The following MIA2 variants were observed in gnomAD, a reference collection of about 807,000 sequenced individuals.
MIA2 encodes melanoma inhibitory activity protein 2.
MIA2 carries 127 observed loss-of-function variants against 167.8 expected under a neutral mutation model. That is an observed-to-expected ratio of 0.76 (90% confidence interval 0.66 to 0.88). The LOEUF is 0.88. Ranked by LOEUF, MIA2 falls within the 40% of genes least tolerant of loss-of-function variation. The pLI is 0.00. For synonymous variants in MIA2, 552 were observed against 541.9 expected (o/e 1.02, Z -0.26); for missense variants, 1,690 against 1,624.7 (o/e 1.04, Z -0.69).
chr14:39,291,295 T>C (rs2060710728), intron 10 of MIA2, among the ~76,000 whole-genome samples, 199 bp downstream of exon 10: 1 of 152,180 alleles, frequency 6.6e-6, no homozygotes, highest in African/African-American at 2.4e-5. Flanking sequence ...TTTAAAAATT[T>C]GAGCTTTTAT....
At chr14:39,368,351 G>T (rs1330948429) in intron 23 of MIA2, among the ~76,000 whole-genome samples, 1 of 152,168 alleles carries the variant, frequency 6.6e-6, no homozygotes, top group African/African-American at 2.4e-5. Flanking sequence ...AATTCCCAGG[G>T]TAAAAATTGC....
chr14:39,327,689 A>C (rs1297595440), intron 25 of MIA2, among the ~76,000 whole-genome samples: 1 of 151,786 alleles, frequency 6.6e-6, no homozygotes. Context: ...TCATTATTCA[A>C]CTCCCACTTA....
Position 39,237,005 on chromosome 14 carries a change from T to A in MIA2, c.199T>A (p.Ser67Thr). 1 of 1,614,138 alleles carries A rather than the reference T, an allele frequency of 6.2e-7. No homozygotes were observed. The highest frequency in any genetic ancestry group is 8.5e-7 in the Non-Finnish European group (1 of 1,179,980). ...YLNFTKGEEI[S>T]VYVKLAGERE... ...GAACTTCACTAAGGGAGAAGAGATATCTGTTTATGTTAAACTTGCAGGAGA... is the reference window on the plus strand; with the variant it reads ...GAACTTCACTAAGGGAGAAGAGATAACTGTTTATGTTAAACTTGCAGGAGA... The change falls in exon 2 of 29, where the codon TCT becomes ACT. Residue 67 changes from serine (S) to threonine (T), a missense_variant. By Grantham distance (58) the Ser-to-Thr change is moderately conservative. Transcript: ENST00000640607.
chr14:39,364,716 T>G (rs187408825), intron 23 of MIA2, among the ~76,000 whole-genome samples: 2,000 of 151,542 alleles, frequency 0.013, 58 homozygotes, highest in African/African-American at 0.046. Context: ...GATAGTTTGT[T>G]TTTTTTGTTT....
chr14:39,358,714 G>A (rs1170757269), intron 23 of MIA2, among the ~76,000 whole-genome samples: 2 of 152,148 alleles, frequency 1.3e-5, no homozygotes, highest in African/African-American at 4.8e-5. Flanking sequence ...TGATGGTGAT[G>A]TACAGATGGG....
At chr14:39,237,708 T>C (rs531618157) in intron 2 of MIA2, among the ~76,000 whole-genome samples, 9 of 152,178 alleles carry the variant, frequency 5.9e-5, no homozygotes, top group Non-Finnish European at 1.3e-4. Flanking sequence ...GCAACCCCAG[T>C]CATTTCTTGG....
chr14:39,357,300 T>A (rs2074554588), intron 23 of MIA2, among the ~76,000 whole-genome samples: 1 of 152,228 alleles, frequency 6.6e-6, no homozygotes, highest in African/African-American at 2.4e-5. Flanking sequence ...CCTTTACCAT[T>A]ATGTAATGGC....
At chr14:39,385,895 G>C (rs2075265756) in intron 23 of MIA2, 2 of 904,356 alleles carry the variant, frequency 2.2e-6, no homozygotes, top group Non-Finnish European at 3.7e-6. Context: ...CAAGAAAAAA[G>C]GTTATCTCCT....
intron 23 of MIA2, among the ~76,000 whole-genome samples, chr14:39,382,971 T>A (rs79044438): frequency 1.3e-5 from 2 of 149,942 alleles, no homozygotes; most frequent in Non-Finnish European, 3.0e-5. Flanking sequence ...TTTTTTTTTT[T>A]TTTTTGGTAA....
At chr14:39,271,414 A>G (rs1358476309) in intron 6 of MIA2, among the ~76,000 whole-genome samples, 1 of 152,152 alleles carries the variant, frequency 6.6e-6, no homozygotes. Flanking sequence ...GTAGGGAAGT[A>G]TGAGTCCCCC....
At chr14:39,240,505 AATT>A in intron 2 of MIA2, 53 bp from the exon 3 acceptor site, 1 of 1,386,370 alleles carries the variant, frequency 7.2e-7, no homozygotes, top group Non-Finnish European at 1.0e-6. Flanking sequence ...TAGGTTCAAT[AATT>A]ATTATTGCTT....
At chr14:39,250,762 C>T (rs1045542788) in intron 4 of MIA2, among the ~76,000 whole-genome samples, 2 of 148,718 alleles carry the variant, frequency 1.3e-5, no homozygotes. Context: ...TATAGAGATA[C>T]TGGAAGAATT....
intron 6 of MIA2, among the ~76,000 whole-genome samples, chr14:39,267,678 A>G (rs2056175620): frequency 6.6e-6 from 1 of 152,198 alleles, no homozygotes; most frequent in Non-Finnish European, 1.5e-5. Flanking sequence ...TGTTCGAGGC[A>G]GTAGTTAGGC....
chr14:39,294,925 GC>G lies in MIA2; in HGVS notation c.2394del (p.Met800Ter), dbSNP rs1338286662. 6.2e-7 allele frequency: 1 copy of G among 1,606,552 alleles called. No homozygotes were observed. Among genetic ancestry groups the G allele is most frequent in the African/African-American group, 1.3e-5 (1 of 74,530 alleles). On this transcript the variant is annotated frameshift_variant and splice_region_variant, in exon 13 of 29. Coordinates refer to ENST00000640607, the MANE Select transcript of MIA2 (RefSeq NM_001329214.4). LOFTEE classifies it high-confidence loss of function. ...ACTTGACATTTTTTGTTTCACTTAG[GC>G]CAAAATGACCTTCAAGATATTTCAA... Reference protein sequence around the residue: ...SKSLKSQVAEAKMTFKIFQMN... With the variant: ...SKSLKSQVAEXKMTFKIFQMN...
chr14:39,277,202 T>G lies in MIA2; in HGVS notation c.2019+137T>G. The G allele has an allele frequency of 3.3e-6, 4 of 1,194,634 alleles. No homozygotes were observed. In the South Asian group the frequency reaches 6.9e-5, roughly 21 times the overall value. 74.0% of individuals were successfully genotyped at this position (1,194,634 alleles called of 1,614,324 possible). On this transcript the variant is annotated intron_variant, in intron 7 of 28. Transcript: ENST00000640607. The stretch of plus-strand genomic sequence containing the variant: ...ATTCAGAGGTTTTTGTTTTTTGTTT[T>G]TTGTTTTTTTTAAAAGAGATGAGGG...
intron 6 of MIA2, among the ~76,000 whole-genome samples, chr14:39,261,215 C>A (rs1407873814): frequency 6.6e-6 from 1 of 152,074 alleles, no homozygotes; most frequent in Non-Finnish European, 1.5e-5. Flanking sequence ...GTTCAATTCC[C>A]ACCTATGAGT....
intron 3 of MIA2, among the ~76,000 whole-genome samples, chr14:39,246,517 A>G (rs539000106): frequency 6.6e-6 from 1 of 152,196 alleles, no homozygotes; most frequent in African/African-American, 2.4e-5. Context: ...CAGAAGTTCA[A>G]GTTCAGCCTG....
chr14:39,365,373 TC>T (rs756239339), intron 23 of MIA2, among the ~76,000 whole-genome samples: 64 of 152,246 alleles, frequency 4.2e-4, no homozygotes, highest in Non-Finnish European at 7.8e-4. Context: ...AAATAGGTTT[TC>T]AGTGCCTTTA....
chr14:39,374,878 A>T (rs1459730660), intron 23 of MIA2, among the ~76,000 whole-genome samples: 1 of 152,244 alleles, frequency 6.6e-6, no homozygotes, highest in Non-Finnish European at 1.5e-5. Context: ...TAAGGCAGGT[A>T]TTTGAATTCT....
Sources: allele counts gnomAD v4.1 joint callset (sites outside exome capture counted in the v4.1 genomes callset), GRCh38; gene constraint gnomAD v4.1.1; transcripts MANE v1.5; gene names NCBI Gene and HGNC (gene_info 2026-07-23, HGNC 2026-07-21).